Variants in SPOCK3 observed in about 807,000 individuals in gnomAD.
SPOCK3 encodes the protein SPARC (osteonectin), cwcv and kazal like domains proteoglycan 3, also known as testican-3.
A neutral mutation model predicts 56.6 loss-of-function variants in SPOCK3; 30 were observed. The observed-to-expected ratio is 0.53, with a 90% CI of 0.40 to 0.72. The LOEUF is 0.72. Among genes scored for constraint, SPOCK3 ranks in the 30% least tolerant of loss-of-function variants. The pLI is 0.00. For synonymous variants in SPOCK3, 196 were observed against 183.3 expected, an observed-to-expected ratio of 1.07 and a Z score of -0.56; for missense variants, 527 against 530.0, an observed-to-expected ratio of 0.99 and a Z score of 0.06.
At chr4:167,003,385 T>G (rs1266247185) in intron 3 of SPOCK3, among the ~76,000 whole-genome samples, 1 of 152,242 alleles carries the variant, frequency 6.6e-6, no homozygotes, top group African/African-American at 2.4e-5. Context: ...TTTAACCATC[T>G]GTATTTTTTA....
intron 2 of SPOCK3, among the ~76,000 whole-genome samples, chr4:167,204,034 A>C (rs1733783213): frequency 6.6e-6 from 1 of 152,110 alleles, no homozygotes; most frequent in Admixed American, 6.6e-5. Context: ...CACAGCTATA[A>C]GATTTGGCTT....
chr4:167,184,267 G>C (rs1470886307), intron 2 of SPOCK3, among the ~76,000 whole-genome samples: 2 of 152,082 alleles, frequency 1.3e-5, no homozygotes, highest in East Asian at 1.9e-4. Flanking sequence ...ATTTAATCAA[G>C]AAACAGCCAA....
In SPOCK3 at chr4:166,840,845, C is replaced by T. The variant is rs565276357; in HGVS notation, c.589+48285G>A. The stretch of plus-strand genomic sequence containing the variant: ...CCAGGCTGGAGTGCAGTGGCGCAAT[C>T]TCGGGTCACTGCAAGGTCCGCCTCC... On this transcript the variant is annotated intron_variant, in intron 6 of 10. Transcript: ENST00000357545. 2.2e-5 allele frequency among the ~76,000 whole-genome samples: 3 copies of T among 134,806 alleles called. No homozygotes were observed. The South Asian group carries it at 7.4e-4, about 33-fold the overall frequency. The allele number at this position is 134,806 out of a possible 152,430, so 88.4% of individuals were successfully genotyped here.
At chr4:167,144,773 G>A (rs1472365565) in intron 2 of SPOCK3, among the ~76,000 whole-genome samples, 23 of 104,742 alleles carry the variant, frequency 2.2e-4, no homozygotes, top group Non-Finnish European at 4.4e-5. Flanking sequence ...AATTAATCTT[G>A]ATGTGGAAGC....
intron 6 of SPOCK3, among the ~76,000 whole-genome samples, chr4:166,814,180 T>C (rs866984941): frequency 6.6e-6 from 1 of 152,062 alleles, no homozygotes; most frequent in African/African-American, 2.4e-5. Context: ...GGCAATTTTG[T>C]GAAAGTTTCA....
chr4:166,847,647 T>TTATATATATATATATATA (rs147015731), intron 6 of SPOCK3, among the ~76,000 whole-genome samples: 2,671 of 54,210 alleles, frequency 0.049, 219 homozygotes, highest in Non-Finnish European at 0.073. Flanking sequence ...AAATCCTAGT[T>TTATATATATATATATATA]TATATATATA....
intron 5 of SPOCK3, among the ~76,000 whole-genome samples, chr4:166,904,895 C>G (rs1236604043): frequency 6.6e-6 from 1 of 151,946 alleles, no homozygotes; most frequent in Non-Finnish European, 1.5e-5. Flanking sequence ...GGACATCATT[C>G]AGGTAAAATT....
rs539105333 is a variant in SPOCK3, at chr4:166,818,550, A to G, written c.590-26261T>C. 8.0e-4 allele frequency among the ~76,000 whole-genome samples: 122 copies of G among 152,118 alleles called. 1 individual carries two copies. Among genetic ancestry groups the G allele is most frequent in the Non-Finnish European group, 1.4e-3 (94 of 67,934 alleles). On this transcript the variant is annotated intron_variant, in intron 6 of 10. Transcript: ENST00000357545. The stretch of plus-strand genomic sequence containing the variant: ...ATTTGGATCACAAATTACTAGCTAT[A>G]CTTGCTTTCTATACAATATAAACTT...
chr4:166,815,242 T>A (rs1744261241), intron 6 of SPOCK3, among the ~76,000 whole-genome samples: 1 of 150,780 alleles, frequency 6.6e-6, no homozygotes, highest in African/African-American at 2.5e-5. Context: ...ATTATCAGAC[T>A]GATGATACTG....
intron 4 of SPOCK3, among the ~76,000 whole-genome samples, chr4:166,979,545 T>A (rs571395614): frequency 1.3e-5 from 2 of 152,282 alleles, no homozygotes; most frequent in South Asian, 4.1e-4. Context: ...TCTGTAATTA[T>A]CTCTTTTTAC....
In SPOCK3 at chr4:166,889,225, G is replaced by C. The variant is rs1183358953; in HGVS notation, c.494C>G (p.Ala165Gly). 6.2e-7 allele frequency: 1 copy of C among 1,608,556 alleles called. No individual in the cohort carries two copies. Among genetic ancestry groups the C allele is most frequent in the Non-Finnish European group, 8.5e-7 (1 of 1,175,808 alleles). Residue 165 changes from alanine (A) to glycine (G), a missense_variant, in exon 6 of 11, where the codon GCA (alanine) becomes GGA (glycine). Coordinates refer to ENST00000357545, the MANE Select transcript of SPOCK3 (RefSeq NM_001040159.2). The stretch of plus-strand genomic sequence containing the variant: ...TGAGATCTGTTTTCCTAAGACACAT[G>C]CCTGATATTCTAGTTTGCACTGTAT... ...YSFQCKLEYQ[A>G]CVLGKQISVK...
intron 4 of SPOCK3, among the ~76,000 whole-genome samples, chr4:166,982,538 C>T (rs966989886): frequency 2.4e-4 from 36 of 151,722 alleles, no homozygotes; most frequent in African/African-American, 2.2e-4. Flanking sequence ...GGCAACAGAG[C>T]GAGACTCCGT....
intron 3 of SPOCK3, among the ~76,000 whole-genome samples, chr4:167,026,214 C>G (rs1751683994): frequency 6.6e-6 from 1 of 152,024 alleles, no homozygotes; most frequent in African/African-American, 2.4e-5. Flanking sequence ...GTCGGGTTAA[C>G]TGGCCACATA....
At chr4:167,078,058 C>T (rs778899259) in intron 2 of SPOCK3, among the ~76,000 whole-genome samples, 2 of 151,756 alleles carry the variant, frequency 1.3e-5, no homozygotes, top group Non-Finnish European at 2.9e-5. Context: ...AATGTAGCTA[C>T]GTATTAATAC....
intron 7 of SPOCK3, among the ~76,000 whole-genome samples, chr4:166,770,906 T>C (rs1738851266): frequency 1.3e-5 from 2 of 151,858 alleles, no homozygotes; most frequent in South Asian, 4.1e-4. Flanking sequence ...AATCTAATTT[T>C]CATTGTGGTG....
At chr4:166,764,605 T>A (rs1253900097) in intron 7 of SPOCK3, among the ~76,000 whole-genome samples, 1 of 152,170 alleles carries the variant, frequency 6.6e-6, no homozygotes, top group East Asian at 1.9e-4. Context: ...GACATTTGGG[T>A]TGGTTCCAAG....
intron 2 of SPOCK3, among the ~76,000 whole-genome samples, chr4:167,188,012 A>ACCAACTGAACAGAAAATG (rs1554050183): frequency 6.8e-6 from 1 of 147,760 alleles, no homozygotes; most frequent in African/African-American, 2.6e-5. Context: ...AATACTGAGA[A>ACCAACTGAACAGAAAATG]ATCTGCAGTT....
intron 6 of SPOCK3, 99 bp from the exon 7 acceptor site, chr4:166,792,388 T>C (rs1403300665): frequency 1.5e-6 from 2 of 1,318,274 alleles, no homozygotes; most frequent in Non-Finnish European, 2.1e-6. Context: ...TAAGAACGAC[T>C]AAAAGAAAAA....
rs532420986 is a variant in SPOCK3 at position 167,171,778 on chromosome 4, C to A, written c.189+62207G>T. Among the ~76,000 whole-genome samples the A allele has an allele frequency of 7.9e-5, 12 of 151,850 alleles. No homozygotes were observed. The South Asian group carries it at 2.3e-3, about 29-fold the overall frequency. On this transcript the variant is annotated intron_variant, in intron 2 of 10. Coordinates refer to ENST00000357545, the MANE Select transcript of SPOCK3 (RefSeq NM_001040159.2). Reference sequence around the variant, plus strand: ...TTCCTTAACATAAAGGAATTTCTGTCTTATTAGGCATCACTATCATGATTT... The same window carrying A: ...TTCCTTAACATAAAGGAATTTCTGTATTATTAGGCATCACTATCATGATTT...
Sources: gnomAD v4.1 joint callset for allele counts (sites outside exome capture counted in the v4.1 genomes callset) on GRCh38, gnomAD v4.1.1 for gene constraint, MANE v1.5 for transcripts, NCBI Gene and HGNC (gene_info 2026-07-23, HGNC 2026-07-21) for gene names.